Variants in MCTP2 observed in about 807,000 individuals in gnomAD.
MCTP2 encodes multiple C2 and transmembrane domain-containing protein 2.
MCTP2 carries 132 observed loss-of-function variants against 111.6 expected under a neutral mutation model. The ratio of observed to expected loss-of-function variants is 1.18; its 90% CI spans 1.03 to 1.37. The LOEUF (loss-of-function observed/expected upper bound fraction) is 1.37, where lower values mean the gene tolerates loss of function less well. MCTP2 is among the 40% of genes most tolerant of loss of function. MCTP2 has a pLI of 0.00. For missense variants in MCTP2, 1,183 were observed against 1,067.9 expected (o/e 1.11, Z -1.50); for synonymous variants, 395 against 387.7 (o/e 1.02, Z -0.22).
At chr15:94,457,648 T>TTA (rs1388321801) in intron 19 of MCTP2, among the ~76,000 whole-genome samples, 1 of 152,146 alleles carries the variant, frequency 6.6e-6, no homozygotes, top group African/African-American at 2.4e-5. Context: ...GGCAATATGT[T>TTA]TAGAACATGC....
At chr15:94,333,298 T>C (rs184469242) in intron 4 of MCTP2, among the ~76,000 whole-genome samples, 4 of 152,242 alleles carry the variant, frequency 2.6e-5, no homozygotes, top group Admixed American at 1.3e-4. Context: ...TAAATAATAC[T>C]GTATAAAGAC....
chr15:94,297,025 C>A (rs1014013162), intron 1 of MCTP2, among the ~76,000 whole-genome samples: 2 of 152,168 alleles, frequency 1.3e-5, no homozygotes, highest in African/African-American at 4.8e-5. Context: ...GGGTGGGGCA[C>A]AACAGCCAGG....
At chr15:94,392,994 C>A (rs78200950) in intron 14 of MCTP2, among the ~76,000 whole-genome samples, 2,404 of 152,008 alleles carry the variant, frequency 0.016, 30 homozygotes, top group Middle Eastern at 0.051. Flanking sequence ...CTTTTATGTC[C>A]GTTTTGAGCA....
At chr15:94,268,110 C>A (rs1267153979) in intron 1 of MCTP2, among the ~76,000 whole-genome samples, 1 of 151,330 alleles carries the variant, frequency 6.6e-6, no homozygotes, top group East Asian at 1.9e-4. Flanking sequence ...TTGTGATGAA[C>A]CCGCCTTGGC....
intron 8 of MCTP2, among the ~76,000 whole-genome samples, chr15:94,354,628 C>G (rs912667693): frequency 6.6e-6 from 1 of 152,152 alleles, no homozygotes; most frequent in Non-Finnish European, 1.5e-5. Flanking sequence ...CCAGGCAGTT[C>G]TTTATAGCAG....
intron 4 of MCTP2, among the ~76,000 whole-genome samples, chr15:94,328,658 G>A (rs62016097): frequency 0.098 from 14,985 of 152,208 alleles, 884 homozygotes; most frequent in African/African-American, 0.1. Flanking sequence ...GGCAGGGAGT[G>A]TGGCCTGTCA....
At chr15:94,266,181 A>T (rs1172123421) in intron 1 of MCTP2, among the ~76,000 whole-genome samples, 1 of 152,174 alleles carries the variant, frequency 6.6e-6, no homozygotes, top group African/African-American at 2.4e-5. Flanking sequence ...TGATCATTAC[A>T]TTCTTGCATC....
At chr15:94,337,898 C>A (rs1283075224) in intron 4 of MCTP2, among the ~76,000 whole-genome samples, 1 of 152,118 alleles carries the variant, frequency 6.6e-6, no homozygotes, top group Admixed American at 6.5e-5. Context: ...GGCTTTTAAA[C>A]CATGGCTGCT....
intron 1 of MCTP2, among the ~76,000 whole-genome samples, chr15:94,251,332 C>T (rs548718449): frequency 2.0e-5 from 3 of 151,932 alleles, no homozygotes; most frequent in Non-Finnish European, 4.4e-5. Context: ...TCTTAATCAT[C>T]CTAAAATACA....
chr15:94,434,071 A>T (rs2083328811), intron 17 of MCTP2, among the ~76,000 whole-genome samples: 1 of 151,918 alleles, frequency 6.6e-6, no homozygotes, highest in African/African-American at 2.4e-5. Context: ...CAAAAGGAGT[A>T]TATTTTATAT....
rs796985914 is a variant in MCTP2, at chr15:94,369,538, A to G, written c.1489-549A>G. 9.2e-5 allele frequency among the ~76,000 whole-genome samples: 14 copies of G among 152,328 alleles called. No individual in the cohort carries two copies. The East Asian group carries it at 2.7e-3, about 29-fold the overall frequency. ...AAACTCAAGGCTAAAGTAAATATGA[A>G]TCTAGGGTGGTACTAGATACTTAAT... On this transcript the variant is annotated intron_variant, in intron 11 of 22. Transcript: ENST00000357742.
At chr15:94,346,543 C>T (rs532971314) in intron 8 of MCTP2, among the ~76,000 whole-genome samples, 1 of 152,224 alleles carries the variant, frequency 6.6e-6, no homozygotes, top group East Asian at 1.9e-4. Context: ...TAAAGTTTCC[C>T]AGAATGCTTT....
chr15:94,420,327 C>G (rs1042883102), intron 17 of MCTP2, among the ~76,000 whole-genome samples: 1 of 152,096 alleles, frequency 6.6e-6, no homozygotes, highest in Non-Finnish European at 1.5e-5. Flanking sequence ...ACATAACATC[C>G]ATTCTGTAGC....
chr15:94,344,536 G>GGA (rs2152409421), intron 7 of MCTP2, among the ~76,000 whole-genome samples: 1 of 152,242 alleles, frequency 6.6e-6, no homozygotes. Context: ...GCATGACAGA[G>GGA]GAGAGATCAG....
At chr15:94,329,936 G>A (rs1434112985) in intron 4 of MCTP2, among the ~76,000 whole-genome samples, 1 of 152,142 alleles carries the variant, frequency 6.6e-6, no homozygotes, top group African/African-American at 2.4e-5. Flanking sequence ...GCACCTCAGT[G>A]CCATTGACCT....
intron 4 of MCTP2, among the ~76,000 whole-genome samples, chr15:94,316,861 G>A (rs4984345): frequency 0.27 from 41,496 of 151,734 alleles, 6,386 homozygotes; most frequent in Admixed American, 0.4. Context: ...GTTCTTGGAC[G>A]GTTTCTCCTG....
At chr15:94,247,731 A>T (rs2072119104) in intron 1 of MCTP2, among the ~76,000 whole-genome samples, 1 of 152,182 alleles carries the variant, frequency 6.6e-6, no homozygotes, top group South Asian at 2.1e-4. Flanking sequence ...ATAGAGCAAT[A>T]AATATGTATT....
intron 2 of MCTP2, among the ~76,000 whole-genome samples, chr15:94,312,481 T>G (rs1384186664): frequency 6.6e-6 from 1 of 152,214 alleles, no homozygotes; most frequent in African/African-American, 2.4e-5. Context: ...GTTAGGGCTG[T>G]CTTCCTGCCT....
intron 19 of MCTP2, among the ~76,000 whole-genome samples, chr15:94,455,206 G>T (rs917066811): frequency 1.3e-5 from 2 of 152,186 alleles, no homozygotes; most frequent in Admixed American, 1.3e-4. Context: ...AAGAAATTTA[G>T]AAGGCATTTA....
Sources: gnomAD v4.1 joint callset for allele counts (sites outside exome capture counted in the v4.1 genomes callset) on GRCh38, gnomAD v4.1.1 for gene constraint, MANE v1.5 for transcripts, NCBI Gene and HGNC (gene_info 2026-07-23, HGNC 2026-07-21) for gene names.